FBXW2: variants seen among roughly 807,000 people sequenced by gnomAD.
FBXW2 encodes F-box and WD repeat domain containing 2, also known as F-box/WD repeat-containing protein 2.
FBXW2 carries 12 observed loss-of-function variants against 46.0 expected under a neutral mutation model. That is an observed-to-expected ratio of 0.26 (90% CI 0.17 to 0.42). The LOEUF (loss-of-function observed/expected upper bound fraction) is 0.42. Among genes scored for constraint, FBXW2 ranks in the 10% least tolerant of loss-of-function variants. The pLI is 1.00. For missense variants in FBXW2, 360 were observed against 537.0 expected, an observed-to-expected ratio of 0.67 and a Z score of 3.26; for synonymous variants, 203 against 209.6, an observed-to-expected ratio of 0.97 and a Z score of 0.27.
intron 5 of FBXW2, among the ~76,000 whole-genome samples, chr9:120,773,718 C>T (rs1161967824): frequency 2.0e-5 from 3 of 152,202 alleles, no homozygotes; most frequent in African/African-American, 7.2e-5. Context: ...GTATCAGGCA[C>T]CTTGCTGGGT....
intron 7 of FBXW2, among the ~76,000 whole-genome samples, chr9:120,765,606 A>C (rs1432096262): frequency 6.6e-6 from 1 of 152,158 alleles, no homozygotes; most frequent in Non-Finnish European, 1.5e-5. Flanking sequence ...GTATTCATCA[A>C]CTCCTAGAAT....
chr9:120,778,083 ATG>A (rs113576538), intron 4 of FBXW2, among the ~76,000 whole-genome samples: 37 of 151,760 alleles, frequency 2.4e-4, no homozygotes, highest in African/African-American at 8.5e-4. Flanking sequence ...GAGAGAGAGA[ATG>A]AGAGAGAGAG....
At chr9:120,773,855 A>G (rs530194610) in intron 5 of FBXW2, among the ~76,000 whole-genome samples, 3 of 152,318 alleles carry the variant, frequency 2.0e-5, no homozygotes, top group African/African-American at 7.2e-5. Flanking sequence ...ACTATTTTCC[A>G]CAACACCAAA....
At chr9:120,768,827 A>G in intron 7 of FBXW2, among the ~76,000 whole-genome samples, 1 of 152,170 alleles carries the variant, frequency 6.6e-6, no homozygotes. Context: ...GTCTCAAAAA[A>G]ACATAAAATA....
chr9:120,772,903 C>T (rs1453873693), intron 5 of FBXW2, 63 bp from the exon 6 acceptor site: 3 of 1,150,692 alleles, frequency 2.6e-6, no homozygotes, highest in Non-Finnish European at 3.8e-6. Context: ...TGATTTTATT[C>T]TTTAAATTAA....
rs1321545819 is a variant in FBXW2 at position 120,757,140 on chromosome 9, ATT to A, written c.*7417_*7418del. ...AAATAAGCACACATAAAAATATGTC[ATT>A]TTCTCTCTAGTCCCCTCCCCCATAA... On this transcript the variant is annotated 3_prime_UTR_variant, in exon 8 of 8. Transcript: ENST00000608872. 7.1e-6 allele frequency: 1 copy of A among 139,898 alleles called. No individual in the cohort carries two copies. The highest frequency in any genetic ancestry group is 2.5e-4 in the South Asian group (1 of 3,928). The allele number at this position is 139,898 out of a possible 1,614,324, so 8.7% of individuals were successfully genotyped here. A position where few individuals can be genotyped will look rare whatever the true frequency, so the allele number is the denominator to read the frequency against.
rs1209778590 is a variant in FBXW2 at position 120,793,372 on chromosome 9, C to G, written c.-148G>C. On this transcript the variant is annotated 5_prime_UTR_variant, in exon 1 of 8. Coordinates refer to ENST00000608872, the MANE Select transcript of FBXW2 (RefSeq NM_012164.4). ...TACAGACCCGGACCTGCGGCCGCTGCTCCCGGTCCGCAGCCTCACAGGGGA... is the reference window on the plus strand; with the variant it reads ...TACAGACCCGGACCTGCGGCCGCTGGTCCCGGTCCGCAGCCTCACAGGGGA... 5.0e-6 allele frequency: 2 copies of G among 400,470 alleles called. No homozygotes were observed. Among genetic ancestry groups the G allele is most frequent in the Non-Finnish European group, 8.8e-6 (2 of 227,354 alleles). 24.8% of individuals were successfully genotyped at this position (400,470 alleles called of 1,614,324 possible).
In FBXW2 at chr9:120,757,362, AAG is replaced by A. The variant is rs1367589813; in HGVS notation, c.*7195_*7196del. On this transcript the variant is annotated 3_prime_UTR_variant, in exon 8 of 8. Coordinates refer to ENST00000608872, the MANE Select transcript of FBXW2 (RefSeq NM_012164.4). ...TTCTGTACCTGTAACAGAAAATACT[AAG>A]AAAAAATTCCACTGCTTTTGCGAGT... is the stretch of plus-strand genomic sequence containing the variant. 1 of 152,204 alleles carries A rather than the reference AAG, an allele frequency of 6.6e-6. No individual in the cohort carries two copies. The highest frequency in any genetic ancestry group is 1.5e-5 in the Non-Finnish European group (1 of 68,042). The allele number at this position is 152,204 out of a possible 1,614,324, so 9.4% of individuals were successfully genotyped here. A position where few individuals can be genotyped will look rare whatever the true frequency, so the allele number is the denominator to read the frequency against.
At position 120,763,924 on chromosome 9, in the gene FBXW2, C is replaced by T. The variant is rs1448314826; in HGVS notation, c.*635G>A. On this transcript the variant is annotated 3_prime_UTR_variant, in exon 8 of 8. Coordinates refer to ENST00000608872, the MANE Select transcript of FBXW2 (RefSeq NM_012164.4). ...CAAAAACTACAGAACTCGCTCACAT[C>T]TTAAACATGGCCAACCTTGACTCTG... 1 of 152,686 alleles carries T rather than the reference C, an allele frequency of 6.5e-6. No homozygotes were observed. Among genetic ancestry groups the T allele is most frequent in the Non-Finnish European group, 1.5e-5 (1 of 68,358 alleles). The allele number at this position is 152,686 out of a possible 1,614,324, so 9.5% of individuals were successfully genotyped here. A position where few individuals can be genotyped will look rare whatever the true frequency, so the allele number is the denominator to read the frequency against.
At position 120,764,459 on chromosome 9, in the gene FBXW2, A is replaced by G; in HGVS notation, c.*100T>C. On this transcript the variant is annotated 3_prime_UTR_variant, in exon 8 of 8. Coordinates refer to ENST00000608872, the MANE Select transcript of FBXW2 (RefSeq NM_012164.4). ...TTGTGCACTGCGTGATGATACCATT[A>G]GGTGAGAACTTTGGTTCATGCAGTC... 1 of 1,283,108 alleles carries G rather than the reference A, an allele frequency of 7.8e-7. No individual in the cohort carries two copies. The allele number at this position is 1,283,108 out of a possible 1,614,324, so 79.5% of individuals were successfully genotyped here.
intron 3 of FBXW2, among the ~76,000 whole-genome samples, chr9:120,781,667 CACACACACAT>C (rs1388807717): frequency 8.0e-5 from 12 of 150,134 alleles, no homozygotes; most frequent in Admixed American, 7.3e-4. Flanking sequence ...CACACACACA[CACACACACAT>C]ACACACACAC....
rs2044239751 is a variant in FBXW2 at position 120,764,485 on chromosome 9, G to A, written c.*74C>T. On this transcript the variant is annotated 3_prime_UTR_variant, in exon 8 of 8. Coordinates refer to ENST00000608872, the MANE Select transcript of FBXW2 (RefSeq NM_012164.4). ...GGTGAGAACTTTGGTTCATGCAGTC[G>A]GCTGCCGCAGAGGTTGCACCCAAAA... The A allele has an allele frequency of 2.0e-6, 3 of 1,500,732 alleles. No homozygotes were observed. Among genetic ancestry groups the A allele is most frequent in the Admixed American group, 1.9e-5 (1 of 52,304 alleles). The allele number at this position is 1,500,732 out of a possible 1,614,324, so 93.0% of individuals were successfully genotyped here. A position where few individuals can be genotyped will look rare whatever the true frequency, so the allele number is the denominator to read the frequency against.
In FBXW2 at chr9:120,763,008, G is replaced by A. The variant is rs2044219832; in HGVS notation, c.*1551C>T. The stretch of plus-strand genomic sequence containing the variant: ...AATCACAAAATTACCTAACTTTAGA[G>A]AGGGAGGAGGACACAATCTGGCAAC... On this transcript the variant is annotated 3_prime_UTR_variant, in exon 8 of 8. Coordinates refer to ENST00000608872, the MANE Select transcript of FBXW2 (RefSeq NM_012164.4). The A allele has an allele frequency of 2.6e-5, 4 of 152,332 alleles. No homozygotes were observed. In the South Asian group the frequency reaches 8.3e-4, roughly 32 times the overall value. 9.4% of individuals were successfully genotyped at this position (152,332 alleles called of 1,614,324 possible). A position where few individuals can be genotyped will look rare whatever the true frequency, so the allele number is the denominator to read the frequency against.
Position 120,776,161 on chromosome 9 carries a change from TCA to T in FBXW2, c.749_750del (p.Val250GlufsTer50). ...ILVSGSADFT[V>X]KVWALSAGTC... Reference sequence around the variant, plus strand: ...GTCCCAGCAGATAAAGCCCATACTTTCACAGTGAAGTCTGCAGAGCCGCTCAC... The same window carrying T: ...GTCCCAGCAGATAAAGCCCATACTTTCAGTGAAGTCTGCAGAGCCGCTCAC... On this transcript the variant is annotated frameshift_variant, in exon 5 of 8. Transcript: ENST00000608872. LOFTEE classifies it high-confidence loss of function. 6.2e-7 allele frequency: 1 copy of T among 1,614,196 alleles called. No individual in the cohort carries two copies. Among genetic ancestry groups the T allele is most frequent in the Non-Finnish European group, 8.5e-7 (1 of 1,180,032 alleles).
At chr9:120,790,776 T>C (rs547928477) in intron 2 of FBXW2, among the ~76,000 whole-genome samples, 45 of 152,238 alleles carry the variant, frequency 3.0e-4, no homozygotes, top group African/African-American at 1.0e-3. Context: ...TGTATACCTA[T>C]GTAACAAACC....
intron 7 of FBXW2, among the ~76,000 whole-genome samples, chr9:120,767,356 T>TAA (rs2044294830): frequency 6.6e-6 from 1 of 152,004 alleles, no homozygotes; most frequent in Non-Finnish European, 1.5e-5. Flanking sequence ...CTAAAAGAGG[T>TAA]AGACATTTAG....
intron 4 of FBXW2, chr9:120,776,493 G>C: frequency 2.6e-6 from 1 of 379,336 alleles, no homozygotes. Context: ...AAATGTTGGA[G>C]ATAATGGCAT....
At position 120,761,151 on chromosome 9, in the gene FBXW2, G is replaced by A. The variant is rs1424530915; in HGVS notation, c.*3408C>T. The A allele has an allele frequency of 6.6e-6, 1 of 152,204 alleles. No homozygotes were observed. Among genetic ancestry groups the A allele is most frequent in the Non-Finnish European group, 1.5e-5 (1 of 68,050 alleles). The allele number at this position is 152,204 out of a possible 1,614,324, so 9.4% of individuals were successfully genotyped here. On this transcript the variant is annotated 3_prime_UTR_variant, in exon 8 of 8. Transcript: ENST00000608872. ...GGTCTAAAATGTCAGGTTACAGTCA[G>A]ATTTGGCAATGTGTATTACTTCAAA...
chr9:120,766,131 T>C (rs2044271175), intron 7 of FBXW2, among the ~76,000 whole-genome samples: 2 of 152,106 alleles, frequency 1.3e-5, no homozygotes, highest in Admixed American at 6.5e-5. Flanking sequence ...ACCACCAAAC[T>C]AGTATAGGTT....
Sources: allele counts gnomAD v4.1 joint callset (sites outside exome capture counted in the v4.1 genomes callset), GRCh38; gene constraint gnomAD v4.1.1; transcripts MANE v1.5; gene names NCBI Gene and HGNC (gene_info 2026-07-23, HGNC 2026-07-21).